Variants in KDM4B observed in about 807,000 individuals in gnomAD.
KDM4B encodes the protein lysine-specific demethylase 4B.
Under a neutral mutation model 125.2 loss-of-function variants are expected in KDM4B, and 32 were observed. The ratio of observed to expected loss-of-function variants is 0.26; its 90% CI spans 0.19 to 0.34. KDM4B has a LOEUF of 0.34. KDM4B is among the 10% of genes least tolerant of loss of function. The pLI is 1.00. For missense variants in KDM4B, 1,190 were observed against 1,577.7 expected (o/e 0.75, Z 4.16); for synonymous variants, 721 against 677.9 (o/e 1.06, Z -0.99).
In KDM4B at chr19:5,133,935, G is replaced by A. The variant is rs1370215692; in HGVS notation, c.1959G>A (p.Arg653=). Residue 653 remains arginine, a synonymous_variant, in exon 14 of 23, where the codon AGG becomes AGA. Transcript: ENST00000159111. ...EEDVSDPDAL[R]PLLSLQWKNR... ...ATGTGAGTGACCCGGACGCCTTGAG[G>A]CCGCTGCTGTCTCTGCAGTGGAAGA... The A allele has an allele frequency of 6.2e-7, 1 of 1,613,072 alleles. No homozygotes were observed. Among genetic ancestry groups the A allele is most frequent in the South Asian group, 1.1e-5 (1 of 91,074 alleles).
chr19:5,139,851 C>T (rs979273257), intron 18 of KDM4B, among the ~76,000 whole-genome samples: 34 of 152,368 alleles, frequency 2.2e-4, no homozygotes, highest in Non-Finnish European at 2.9e-5. Flanking sequence ...CGCGCAGCCA[C>T]CTTGGGCGTA....
At chr19:5,073,244 C>T (rs567839438) in intron 7 of KDM4B, among the ~76,000 whole-genome samples, 2 of 152,382 alleles carry the variant, frequency 1.3e-5, no homozygotes, top group Admixed American at 6.5e-5. Context: ...CCTCACTGAG[C>T]GGTCAGGGAG....
chr19:5,108,559 G>A (rs1201602651), intron 9 of KDM4B, among the ~76,000 whole-genome samples: 1 of 152,194 alleles, frequency 6.6e-6, no homozygotes, highest in Non-Finnish European at 1.5e-5. Flanking sequence ...ATTTGGGGTC[G>A]TAAATATGTG....
intron 1 of KDM4B, among the ~76,000 whole-genome samples, chr19:4,986,211 G>T (rs2034826103): frequency 6.6e-6 from 1 of 152,220 alleles, no homozygotes; most frequent in South Asian, 2.1e-4. Flanking sequence ...CATGTCTGCG[G>T]CCTCACAGGG....
intron 6 of KDM4B, among the ~76,000 whole-genome samples, chr19:5,054,765 G>A (rs892657333): frequency 3.3e-5 from 5 of 152,170 alleles, no homozygotes; most frequent in African/African-American, 7.2e-5. Context: ...TCCAGGCTGC[G>A]GCCAGGAGGG....
intron 11 of KDM4B, among the ~76,000 whole-genome samples, chr19:5,122,157 G>T (rs938952375): frequency 6.6e-6 from 1 of 152,342 alleles, no homozygotes; most frequent in Middle Eastern, 3.4e-3. Context: ...CCTCCTGGGG[G>T]GCTCCAGGGG....
rs1364733512 is a variant in KDM4B, at chr19:5,115,727, G to A, written c.1116-3926G>A. On this transcript the variant is annotated intron_variant, in intron 10 of 22. Transcript: ENST00000159111. This position sits in a 1 kb window ranked among gnomAD's most constrained non-coding sequence, Gnocchi z 4.2. Reference sequence around the variant, plus strand: ...GCCGGGACTTTGCATTATGGAAAAAGAGCCATTGCTGTGAAGAAGAAACAT... The same window carrying A: ...GCCGGGACTTTGCATTATGGAAAAAAAGCCATTGCTGTGAAGAAGAAACAT... Among the ~76,000 whole-genome samples, 1 of 152,200 alleles carries A rather than the reference G, an allele frequency of 6.6e-6. No individual in the cohort carries two copies. The highest frequency in any genetic ancestry group is 1.5e-5 in the Non-Finnish European group (1 of 68,034).
chr19:5,117,298 G>A (rs2039275649), intron 10 of KDM4B, among the ~76,000 whole-genome samples: 2 of 135,624 alleles, frequency 1.5e-5, no homozygotes, highest in Admixed American at 7.7e-5. Flanking sequence ...GGTCGGAAGC[G>A]ACCTCTAGGG....
intron 9 of KDM4B, among the ~76,000 whole-genome samples, chr19:5,095,857 C>T (rs1212865782): frequency 6.6e-6 from 1 of 152,234 alleles, no homozygotes; most frequent in African/African-American, 2.4e-5. Context: ...GCGAGCATGT[C>T]GTTTGTGTGT....
chr19:4,980,924 A>G (rs1419823317), intron 1 of KDM4B, among the ~76,000 whole-genome samples: 1 of 134,920 alleles, frequency 7.4e-6, no homozygotes, highest in Non-Finnish European at 1.6e-5. Flanking sequence ...GGGCAGACAC[A>G]GCATAGAAAC....
chr19:5,041,329 G>A, intron 5 of KDM4B, 78 bp downstream of exon 5: 2 of 1,110,144 alleles, frequency 1.8e-6, no homozygotes, highest in Non-Finnish European at 2.7e-6. Context: ...ACGGGACTCT[G>A]CCTTGGCAGA....
rs554786962 is a variant in KDM4B at position 5,085,051 on chromosome 19, G to T, written c.918+2547G>T. Among the ~76,000 whole-genome samples, 4 of 152,296 alleles carry T rather than the reference G, an allele frequency of 2.6e-5. No individual in the cohort carries two copies. In the South Asian group the frequency reaches 8.3e-4, roughly 32 times the overall value. ...CCTGGCTACTGGGAAAATGGAGGCA[G>T]CATAGGTGGCCTGTGTGACATCTCT... On this transcript the variant is annotated intron_variant, in intron 9 of 22. Transcript: ENST00000159111.
At chr19:5,006,817 C>T (rs2035576369) in intron 1 of KDM4B, among the ~76,000 whole-genome samples, 1 of 152,074 alleles carries the variant, frequency 6.6e-6, no homozygotes, top group Non-Finnish European at 1.5e-5. Flanking sequence ...GTAACCAGCC[C>T]TGGAGCTGAC....
intron 11 of KDM4B, among the ~76,000 whole-genome samples, chr19:5,125,996 G>A (rs2039443117): frequency 6.6e-6 from 1 of 152,234 alleles, no homozygotes; most frequent in Non-Finnish European, 1.5e-5. Context: ...AGTGCTGCGG[G>A]AAAGATTTCC....
chr19:4,971,367 C>T lies in KDM4B; in HGVS notation c.-109+2137C>T, dbSNP rs1425326685. On this transcript the variant is annotated intron_variant, in intron 1 of 22. Coordinates refer to ENST00000159111, the MANE Select transcript of KDM4B (RefSeq NM_015015.3). The surrounding 1 kb of genome is among the most constrained non-coding windows in gnomAD (Gnocchi z 4.1). Reference sequence around the variant, plus strand: ...GGTGGCCAGGGGCCGTCCTCTGTGTCCTTCTCTCCCACCTGACCACTCTGC... The same window carrying T: ...GGTGGCCAGGGGCCGTCCTCTGTGTTCTTCTCTCCCACCTGACCACTCTGC... Among the ~76,000 whole-genome samples, 1 of 152,132 alleles carries T rather than the reference C, an allele frequency of 6.6e-6. No individual in the cohort carries two copies. Among genetic ancestry groups the T allele is most frequent in the African/African-American group, 2.4e-5 (1 of 41,426 alleles).
intron 1 of KDM4B, among the ~76,000 whole-genome samples, chr19:4,988,978 C>T (rs2034940921): frequency 6.6e-6 from 1 of 152,208 alleles, no homozygotes. Flanking sequence ...TTAGTCACCT[C>T]ATTAGCACAC....
intron 10 of KDM4B, chr19:5,111,433 G>A (rs1389000689): frequency 2.0e-5 from 15 of 765,214 alleles, no homozygotes; most frequent in Non-Finnish European, 3.4e-5. Flanking sequence ...GTGTCCGCCT[G>A]GAGGAGAGGC....
chr19:5,074,239 GC>G (rs2038032598), intron 7 of KDM4B: 1 of 152,370 alleles, frequency 6.6e-6, no homozygotes. Context: ...GTCCCCTGTG[GC>G]CTCTGGCTCA....
At chr19:4,986,532 G>A (rs1390454038) in intron 1 of KDM4B, among the ~76,000 whole-genome samples, 1 of 152,200 alleles carries the variant, frequency 6.6e-6, no homozygotes, top group Non-Finnish European at 1.5e-5. Context: ...CACAGAGGAG[G>A]GCTCGGGAGG....
Sources: allele counts gnomAD v4.1 joint callset (sites outside exome capture counted in the v4.1 genomes callset), GRCh38; gene constraint gnomAD v4.1.1; non-coding constraint Gnocchi (gnomAD v3.1); transcripts MANE v1.5; gene names NCBI Gene and HGNC (gene_info 2026-07-23, HGNC 2026-07-21).